HK2: variants seen among roughly 807,000 people sequenced by gnomAD.
HK2 encodes the protein hexokinase 2.
In HK2, 42 loss-of-function variants were observed where a neutral mutation model predicts 92.9. The ratio of observed to expected loss-of-function variants is 0.45; its 90% confidence interval spans 0.35 to 0.58. The LOEUF is 0.58. HK2 is among the 20% of genes least tolerant of loss of function. The pLI is 0.00. For missense variants in HK2, 978 were observed against 1,245.1 expected, an observed-to-expected ratio of 0.79 and a Z score of 3.23; for synonymous variants, 422 against 468.0, an observed-to-expected ratio of 0.90 and a Z score of 1.27.
At chr2:74,839,804 C>T (rs1488043972) in intron 1 of HK2, among the ~76,000 whole-genome samples, 3 of 150,400 alleles carry the variant, frequency 2.0e-5, no homozygotes, top group East Asian at 3.9e-4. Flanking sequence ...ACTACAGGTG[C>T]GCACCACCAT....
intron 1 of HK2, among the ~76,000 whole-genome samples, chr2:74,853,099 C>T (rs981278760): frequency 1.2e-4 from 19 of 152,072 alleles, no homozygotes; most frequent in Admixed American, 3.3e-4. Context: ...GGTAGCAGAT[C>T]GTCAGGGCAT....
chr2:74,853,696 C>CA (rs202112392), intron 1 of HK2, among the ~76,000 whole-genome samples: 13,059 of 139,082 alleles, frequency 0.094, 620 homozygotes, highest in East Asian at 0.2. Flanking sequence ...GATACCCTGT[C>CA]AAAAAAAAAA....
At position 74,881,901 on chromosome 2, in the gene HK2, G is replaced by A. The variant is rs191738221; in HGVS notation, c.1719+42G>A. ...CTTCAGGAGGGGGCCCCTGGTGGACGTCACCTCTTGCCTTCGAGGACAGTG... is the reference window on the plus strand; with the variant it reads ...CTTCAGGAGGGGGCCCCTGGTGGACATCACCTCTTGCCTTCGAGGACAGTG... On this transcript the variant is annotated intron_variant, in intron 11 of 17. Coordinates refer to ENST00000290573, the MANE Select transcript of HK2 (RefSeq NM_000189.5). 3.1e-5 allele frequency: 50 copies of A among 1,605,958 alleles called. 1 individual carries two copies. The highest frequency in any genetic ancestry group is 2.3e-4 in the South Asian group (21 of 90,668).
At chr2:74,857,022 C>T (rs1422093151) in intron 2 of HK2, among the ~76,000 whole-genome samples, 2 of 152,234 alleles carry the variant, frequency 1.3e-5, no homozygotes, top group Non-Finnish European at 2.9e-5. Flanking sequence ...AAGCTGGAGG[C>T]TCCAAGACCT....
chr2:74,858,615 T>G (rs912247259), intron 2 of HK2, among the ~76,000 whole-genome samples: 7 of 152,182 alleles, frequency 4.6e-5, no homozygotes, highest in African/African-American at 1.7e-4. Flanking sequence ...AGAAAAGGTG[T>G]GTAAGACTCC....
At chr2:74,871,386 A>G (rs2103952256) in intron 3 of HK2, among the ~76,000 whole-genome samples, 1 of 152,332 alleles carries the variant, frequency 6.6e-6, no homozygotes, top group East Asian at 1.9e-4. Context: ...GAATCTGCCC[A>G]GCCTCTTTGG....
intron 2 of HK2, among the ~76,000 whole-genome samples, chr2:74,857,011 G>A (rs1238881393): frequency 6.6e-6 from 1 of 152,188 alleles, no homozygotes; most frequent in Non-Finnish European, 1.5e-5. Flanking sequence ...TTGCTTTCCT[G>A]AAGCTGGAGG....
chr2:74,837,764 C>T (rs1688203124), intron 1 of HK2, among the ~76,000 whole-genome samples: 1 of 151,258 alleles, frequency 6.6e-6, no homozygotes, highest in Non-Finnish European at 1.5e-5. Context: ...CAACCTCTGC[C>T]TCCCAGGTTC....
In HK2 at chr2:74,872,286, T is replaced by TCATG. The variant is rs1406862408; in HGVS notation, c.376-13_376-10dup. The TCATG allele has an allele frequency of 6.2e-7, 1 of 1,613,644 alleles. No individual in the cohort carries two copies. The highest frequency in any genetic ancestry group is 2.2e-5 in the East Asian group (1 of 44,862). On this transcript the variant is annotated splice_polypyrimidine_tract_variant and intron_variant, in intron 3 of 17. Coordinates refer to ENST00000290573, the MANE Select transcript of HK2 (RefSeq NM_000189.5). Reference sequence around the variant, plus strand: ...CGACCTCTCTGCTCACCACCCTGTGTCATGTATCCTTAGCTGTTTGACCAC... The same window carrying TCATG: ...CGACCTCTCTGCTCACCACCCTGTGTCATGCATGTATCCTTAGCTGTTTGACCAC...
Position 74,891,081 on chromosome 2 carries a change from C to G in HK2, c.*140C>G. 2.1e-6 allele frequency: 2 copies of G among 942,212 alleles called. No homozygotes were observed. The highest frequency in any genetic ancestry group is 3.3e-6 in the Non-Finnish European group (2 of 614,688). The allele number at this position is 942,212 out of a possible 1,614,324, so 58.4% of individuals were successfully genotyped here. A position where few individuals can be genotyped will look rare whatever the true frequency, so the allele number is the denominator to read the frequency against. On this transcript the variant is annotated 3_prime_UTR_variant, in exon 18 of 18. Coordinates refer to ENST00000290573, the MANE Select transcript of HK2 (RefSeq NM_000189.5). ...GACCCCACTGGACTGGGTTTTGTCT[C>G]TGCATCTCATTGTAGAGCTTGGTGG... is the stretch of plus-strand genomic sequence containing the variant.
In HK2 at chr2:74,881,662, T is replaced by G. The variant is rs142237146; in HGVS notation, c.1571-49T>G. 52 of 1,601,394 alleles carry G rather than the reference T, an allele frequency of 3.2e-5. No individual in the cohort carries two copies. In the East Asian group the frequency reaches 1.1e-3, roughly 35 times the overall value. On this transcript the variant is annotated intron_variant, in intron 10 of 17. Coordinates refer to ENST00000290573, the MANE Select transcript of HK2 (RefSeq NM_000189.5). Reference sequence around the variant, plus strand: ...TCGTTTTAAGTGTACTGTCTCCACATTCCCCATGTTCTGCCCCAACTTATC... The same window carrying G: ...TCGTTTTAAGTGTACTGTCTCCACAGTCCCCATGTTCTGCCCCAACTTATC...
At chr2:74,888,468 G>A (rs1017118433) in intron 16 of HK2, among the ~76,000 whole-genome samples, 12 of 152,368 alleles carry the variant, frequency 7.9e-5, no homozygotes, top group African/African-American at 2.4e-4. Flanking sequence ...AGGTTGGAAC[G>A]TCAGGCAATG....
At chr2:74,872,498 G>C in intron 4 of HK2, 79 bp downstream of exon 4, 1 of 1,478,972 alleles carries the variant, frequency 6.8e-7, no homozygotes, top group Non-Finnish European at 9.4e-7. Context: ...GCCACCTGCT[G>C]TGGTGGTGGT....
intron 2 of HK2, among the ~76,000 whole-genome samples, chr2:74,855,553 T>C (rs960298529): frequency 3.2e-4 from 49 of 152,104 alleles, no homozygotes; most frequent in African/African-American, 1.0e-3. Flanking sequence ...TATTTTATGG[T>C]ACACCACCCA....
In HK2 at chr2:74,888,035, C is replaced by A; in HGVS notation, c.2352C>A (p.Thr784=). 1 of 1,614,190 alleles carries A rather than the reference C, an allele frequency of 6.2e-7. No individual in the cohort carries two copies. Among genetic ancestry groups the A allele is most frequent in the Non-Finnish European group, 8.5e-7 (1 of 1,180,028 alleles). Residue 784 remains threonine (T), a synonymous_variant, in exon 16 of 18, where the codon ACC becomes ACA. Transcript: ENST00000290573. ...ERLKTRGIFE[T]KFLSQIESDC... Reference sequence around the variant, plus strand: ...TCAAGACAAGGGGCATCTTTGAAACCAAGTTCTTGTCTCAGATTGAGAGGT... The same window carrying A: ...TCAAGACAAGGGGCATCTTTGAAACAAAGTTCTTGTCTCAGATTGAGAGGT...
At chr2:74,873,734 GGA>G (rs1458234979) in intron 5 of HK2, 108 bp from the exon 6 acceptor site, 93 of 714,322 alleles carry the variant, frequency 1.3e-4, no homozygotes, top group South Asian at 6.5e-4. Context: ...GAGGGAGGGG[GGA>G]GAGAGAGAGA....
chr2:74,888,084 A>AG (rs770185427), intron 16 of HK2, 26 bp downstream of exon 16: 4 of 1,613,120 alleles, frequency 2.5e-6, no homozygotes, highest in East Asian at 2.2e-5. Flanking sequence ...TCAGGGTAGC[A>AG]GGGGGGCCAT....
intron 1 of HK2, among the ~76,000 whole-genome samples, chr2:74,845,071 C>T (rs1241661553): frequency 6.6e-6 from 1 of 152,190 alleles, no homozygotes; most frequent in Non-Finnish European, 1.5e-5. Flanking sequence ...GAGGCCAACA[C>T]ATACACATTT....
chr2:74,867,328 A>G (rs1688977895), intron 2 of HK2, among the ~76,000 whole-genome samples: 1 of 152,176 alleles, frequency 6.6e-6, no homozygotes, highest in Non-Finnish European at 1.5e-5. Flanking sequence ...AGCTATGAGG[A>G]TGCAAAAGCA....
Sources: gnomAD v4.1 joint callset for allele counts (sites outside exome capture counted in the v4.1 genomes callset) on GRCh38, gnomAD v4.1.1 for gene constraint, MANE v1.5 for transcripts, NCBI Gene and HGNC (gene_info 2026-07-23, HGNC 2026-07-21) for gene names.